CSTPP1: variants seen among roughly 807,000 people sequenced by gnomAD.
CSTPP1 encodes centriolar satellite-associated tubulin polyglutamylase complex regulator 1.
chr11:47,157,305 C>T, the CSTPP1 span: 780 of 1,413,254 alleles, frequency 5.5e-4, no homozygotes, highest in Admixed American at 1.1e-3. Context: ...GGATGTTCTG[C>T]GCGGCCCAGG....
chr11:46,956,110 G>T, the CSTPP1 span, among the ~76,000 whole-genome samples: 20 of 152,086 alleles, frequency 1.3e-4, no homozygotes, highest in Non-Finnish European at 2.5e-4. Flanking sequence ...GAGTTGTGGA[G>T]ACACTCCAAG....
the CSTPP1 span, among the ~76,000 whole-genome samples, chr11:47,023,624 C>G: frequency 1.9e-4 from 29 of 152,186 alleles, no homozygotes; most frequent in Non-Finnish European, 3.4e-4. Context: ...TTCTGACCCC[C>G]TAGCTCCTGG....
At chr11:47,096,233 A>G in the CSTPP1 span, among the ~76,000 whole-genome samples, 1 of 152,186 alleles carries the variant, frequency 6.6e-6, no homozygotes, top group African/African-American at 2.4e-5. Flanking sequence ...TACCATTTTC[A>G]CCATTTTTAA....
At chr11:47,024,695 G>A in the CSTPP1 span, among the ~76,000 whole-genome samples, 1 of 152,020 alleles carries the variant, frequency 6.6e-6, no homozygotes, top group Non-Finnish European at 1.5e-5. Flanking sequence ...TCAAGGAACA[G>A]GTGAACCCCT....
At chr11:47,140,958 G>A in the CSTPP1 span, among the ~76,000 whole-genome samples, 19 of 152,064 alleles carry the variant, frequency 1.2e-4, no homozygotes, top group African/African-American at 3.9e-4. Flanking sequence ...AAAATTAGCC[G>A]GGCGTGTTGG....
the CSTPP1 span, among the ~76,000 whole-genome samples, chr11:47,121,796 G>T: frequency 6.6e-6 from 1 of 151,876 alleles, no homozygotes; most frequent in Admixed American, 6.6e-5. Flanking sequence ...TTAAAGATTA[G>T]AAAAATGGCC....
the CSTPP1 span, among the ~76,000 whole-genome samples, chr11:47,023,042 T>A: frequency 6.6e-6 from 1 of 152,158 alleles, no homozygotes; most frequent in African/African-American, 2.4e-5. Context: ...TAGGTCTGGG[T>A]TGGGGCCTCA....
chr11:47,157,693 T>C, the CSTPP1 span: 6 of 773,932 alleles, frequency 7.8e-6, no homozygotes, highest in African/African-American at 3.6e-5. Flanking sequence ...CCCCAGGGCC[T>C]TGGGGCTCCC....
chr11:47,015,948 G>C, the CSTPP1 span, among the ~76,000 whole-genome samples: 2 of 152,014 alleles, frequency 1.3e-5, no homozygotes, highest in Non-Finnish European at 2.9e-5. Flanking sequence ...ATTCATTCCT[G>C]ATTCAAAAAA....
At chr11:47,086,254 A>AAAAAAAG in the CSTPP1 span, among the ~76,000 whole-genome samples, 1 of 147,448 alleles carries the variant, frequency 6.8e-6, no homozygotes, top group African/African-American at 2.5e-5. Context: ...AAAAAAAAAA[A>AAAAAAAG]AAATAGCTGG....
At chr11:47,003,795 TG>T in the CSTPP1 span, among the ~76,000 whole-genome samples, 1 of 152,226 alleles carries the variant, frequency 6.6e-6, no homozygotes, top group African/African-American at 2.4e-5. Context: ...CATTGTTTCC[TG>T]GGTGGCCGTA....
the CSTPP1 span, among the ~76,000 whole-genome samples, chr11:47,077,687 G>A: frequency 6.6e-6 from 1 of 152,188 alleles, no homozygotes; most frequent in African/African-American, 2.4e-5. Flanking sequence ...GAATGATAAT[G>A]GAAGGTAGTT....
the CSTPP1 span, among the ~76,000 whole-genome samples, chr11:47,097,296 C>T: frequency 8.0e-6 from 1 of 125,654 alleles, no homozygotes; most frequent in Non-Finnish European, 1.7e-5. Context: ...GCCCCCCGCC[C>T]AGCCAGCCGC....
chr11:46,970,752 GA>G, the CSTPP1 span, among the ~76,000 whole-genome samples: 11 of 151,996 alleles, frequency 7.2e-5, no homozygotes, highest in Non-Finnish European at 1.6e-4. Flanking sequence ...GATATGTACA[GA>G]AAATAAATGA....
At chr11:47,161,394 G>A in the CSTPP1 span, 1 of 1,600,376 alleles carries the variant, frequency 6.2e-7, no homozygotes, top group Non-Finnish European at 8.5e-7. Flanking sequence ...AGTGTTAAGA[G>A]TGGGCATGGA....
the CSTPP1 span, among the ~76,000 whole-genome samples, chr11:47,147,774 T>C: frequency 3.3e-5 from 5 of 152,176 alleles, no homozygotes; most frequent in Non-Finnish European, 7.3e-5. Flanking sequence ...CTGAGTCAGG[T>C]TTCTTAATTC....
At chr11:46,996,586 G>A in the CSTPP1 span, among the ~76,000 whole-genome samples, 1 of 152,172 alleles carries the variant, frequency 6.6e-6, no homozygotes, top group Non-Finnish European at 1.5e-5. Context: ...TATTGTTAAT[G>A]TGTGAATTTG....
the CSTPP1 span, among the ~76,000 whole-genome samples, chr11:47,002,339 A>G: frequency 1.3e-5 from 2 of 152,200 alleles, no homozygotes. Flanking sequence ...TAGCAAAAAG[A>G]CTACAGGGAG....
At chr11:47,020,240 T>G in the CSTPP1 span, among the ~76,000 whole-genome samples, 1 of 152,172 alleles carries the variant, frequency 6.6e-6, no homozygotes, top group African/African-American at 2.4e-5. Context: ...GCATTTGAAA[T>G]GAAATAAAGT....
Sources: allele counts gnomAD v4.1 joint callset (sites outside exome capture counted in the v4.1 genomes callset), GRCh38; gene constraint gnomAD v4.1.1; transcripts MANE v1.5; gene names NCBI Gene and HGNC (gene_info 2026-07-23, HGNC 2026-07-21).